The following NAA25 variants were observed in gnomAD, a reference collection of about 807,000 sequenced individuals.
NAA25 encodes the protein N-terminal acetyltransferase B complex subunit NAA25.
Under a neutral mutation model 132.5 loss-of-function variants are expected in NAA25, and 30 were observed. That is an observed-to-expected ratio of 0.23 (90% CI 0.17 to 0.31). The LOEUF (loss-of-function observed/expected upper bound fraction) is 0.31, where lower values mean the gene tolerates loss of function less well. Among genes scored for constraint, NAA25 ranks in the 10% least tolerant of loss-of-function variants. The pLI is 1.00. For missense variants in NAA25, 771 were observed against 1,150.4 expected (o/e 0.67, Z 4.77); for synonymous variants, 359 against 401.9 (o/e 0.89, Z 1.28).
intron 13 of NAA25, 99 bp downstream of exon 13, chr12:112,060,171 T>A (rs2078605404): frequency 4.8e-6 from 4 of 834,468 alleles, no homozygotes; most frequent in Admixed American, 4.8e-5. Context: ...AAAGCATAAA[T>A]AAAATTTGTG....
chr12:112,088,371 G>C (rs1228483309), intron 3 of NAA25, among the ~76,000 whole-genome samples: 1 of 132,566 alleles, frequency 7.5e-6, no homozygotes, highest in African/African-American at 2.9e-5. Context: ...CTGTCGCCCA[G>C]GCTGGAGTGC....
intron 1 of NAA25, among the ~76,000 whole-genome samples, chr12:112,105,318 C>T (rs567918631): frequency 3.4e-4 from 52 of 152,014 alleles, no homozygotes; most frequent in Non-Finnish European, 3.1e-4. Context: ...AAAAAAATAA[C>T]GAAAGAAGGC....
intron 1 of NAA25, among the ~76,000 whole-genome samples, chr12:112,099,010 CAG>C (rs2079254714): frequency 6.7e-6 from 1 of 149,972 alleles, no homozygotes; most frequent in Admixed American, 6.6e-5. Context: ...TTTTTGGAGA[CAG>C]AGTCTCACTC....
At chr12:112,067,395 G>A (rs1197990815) in intron 11 of NAA25, among the ~76,000 whole-genome samples, 1 of 152,160 alleles carries the variant, frequency 6.6e-6, no homozygotes, top group Non-Finnish European at 1.5e-5. Context: ...AAACTCAACA[G>A]TAGGGAACAC....
chr12:112,098,656 A>G (rs1351028409), intron 1 of NAA25, among the ~76,000 whole-genome samples: 6 of 152,318 alleles, frequency 3.9e-5, no homozygotes, highest in African/African-American at 1.4e-4. Flanking sequence ...AATAAGATGT[A>G]TTGGTTAAAG....
chr12:112,086,051 A>AATATATATATAT lies in NAA25; in HGVS notation c.402+1620_402+1631dup, dbSNP rs1555238696. ...AAAAAAAAAAAAAAAAAAAAAAAAA[A>AATATATATATAT]ATATATATATATATATATATATACA... is the stretch of plus-strand genomic sequence containing the variant. On this transcript the variant is annotated intron_variant, in intron 4 of 23. Coordinates refer to ENST00000261745, the MANE Select transcript of NAA25 (RefSeq NM_024953.4). 2.8e-3 allele frequency among the ~76,000 whole-genome samples: 105 copies of AATATATATATAT among 37,364 alleles called. 1 individual carries two copies. The highest frequency in any genetic ancestry group is 0.015 in the African/African-American group (84 of 5,540). The allele number at this position is 37,364 out of a possible 152,430, so 24.5% of individuals were successfully genotyped here.
At chr12:112,097,835 C>A (rs984230711) in intron 1 of NAA25, among the ~76,000 whole-genome samples, 1 of 151,546 alleles carries the variant, frequency 6.6e-6, no homozygotes, top group African/African-American at 2.4e-5. Flanking sequence ...TATGAAGAAC[C>A]GAGCAGACCC....
chr12:112,065,084 T>G (rs1413372412), intron 11 of NAA25, among the ~76,000 whole-genome samples: 3 of 145,318 alleles, frequency 2.1e-5, no homozygotes, highest in Admixed American at 7.0e-5. Flanking sequence ...CCAGGCATGG[T>G]GGCTCACGGC....
chr12:112,058,882 C>A (rs561440711), intron 13 of NAA25, among the ~76,000 whole-genome samples: 1 of 151,916 alleles, frequency 6.6e-6, no homozygotes, highest in African/African-American at 2.4e-5. Context: ...CACAGTGAAA[C>A]CCCATCTCTA....
At chr12:112,077,988 G>T (rs1444362714) in intron 7 of NAA25, among the ~76,000 whole-genome samples, 200 bp downstream of exon 7, 1 of 151,848 alleles carries the variant, frequency 6.6e-6, no homozygotes, top group Admixed American at 6.6e-5. Context: ...CACACTCCTT[G>T]AAGTTTCTGA....
intron 13 of NAA25, among the ~76,000 whole-genome samples, chr12:112,055,942 G>A (rs1414822125): frequency 6.6e-6 from 1 of 152,202 alleles, no homozygotes; most frequent in Non-Finnish European, 1.5e-5. Context: ...GCTCATGCCT[G>A]TAATCCCAGC....
intron 1 of NAA25, among the ~76,000 whole-genome samples, chr12:112,103,773 G>T (rs1446963332): frequency 6.6e-6 from 1 of 152,144 alleles, no homozygotes; most frequent in Non-Finnish European, 1.5e-5. Flanking sequence ...TCCACAGATG[G>T]CAGGGAGGGA....
intron 1 of NAA25, among the ~76,000 whole-genome samples, chr12:112,100,837 C>T (rs1169204027): frequency 1.3e-5 from 2 of 151,924 alleles, no homozygotes; most frequent in Non-Finnish European, 2.9e-5. Context: ...CCAGGATAGT[C>T]TCGATCTCCT....
intron 11 of NAA25, among the ~76,000 whole-genome samples, chr12:112,065,059 A>G (rs1352491536): frequency 6.7e-6 from 1 of 150,210 alleles, no homozygotes; most frequent in Non-Finnish European, 1.5e-5. Context: ...ATAAAAAAAT[A>G]AAAACTAGAA....
At chr12:112,073,590 C>T (rs1443115107) in intron 9 of NAA25, among the ~76,000 whole-genome samples, 2 of 152,128 alleles carry the variant, frequency 1.3e-5, no homozygotes, top group Non-Finnish European at 2.9e-5. Context: ...GCGCCCGCCA[C>T]CACGCCCAGC....
chr12:112,046,127 T>G (rs890297417), intron 17 of NAA25, among the ~76,000 whole-genome samples: 1 of 152,236 alleles, frequency 6.6e-6, no homozygotes, highest in Non-Finnish European at 1.5e-5. Flanking sequence ...GTGCCTAGAT[T>G]GTTTATATAA....
At chr12:112,061,452 T>C (rs2078628898) in intron 11 of NAA25, 64 bp from the exon 12 acceptor site, 6 of 1,152,540 alleles carry the variant, frequency 5.2e-6, no homozygotes, top group Non-Finnish European at 7.8e-6. Context: ...TAGGCCATAA[T>C]TAACAGAAAT....
intron 1 of NAA25, among the ~76,000 whole-genome samples, chr12:112,096,152 T>C (rs2079210880): frequency 6.6e-6 from 1 of 152,226 alleles, no homozygotes; most frequent in Non-Finnish European, 1.5e-5. Context: ...AAACAGTCTA[T>C]TAATTCTTTT....
intron 7 of NAA25, among the ~76,000 whole-genome samples, chr12:112,077,472 C>CAA (rs566503271): frequency 3.5e-4 from 47 of 133,724 alleles, no homozygotes; most frequent in African/African-American, 1.2e-3. Flanking sequence ...ACTCTGTCTC[C>CAA]AAAAAAAAAA....
Sources: allele counts gnomAD v4.1 joint callset (sites outside exome capture counted in the v4.1 genomes callset), GRCh38; gene constraint gnomAD v4.1.1; transcripts MANE v1.5; gene names NCBI Gene and HGNC (gene_info 2026-07-23, HGNC 2026-07-21).